Variants in AGBL4 observed in about 807,000 individuals in gnomAD.
AGBL4 encodes cytosolic carboxypeptidase 6.
AGBL4 carries 58 observed loss-of-function variants against 66.4 expected under a neutral mutation model. That is an observed-to-expected ratio of 0.87 (90% CI 0.71 to 1.09). AGBL4 has a LOEUF of 1.09. AGBL4 is among the 50% of genes least tolerant of loss of function. AGBL4 has a pLI of 0.00. For missense variants in AGBL4, 579 were observed against 631.0 expected, an observed-to-expected ratio of 0.92 and a Z score of 0.88; for synonymous variants, 234 against 222.9, an observed-to-expected ratio of 1.05 and a Z score of -0.44.
chr1:48,621,543 AG>A (rs1317271488), intron 9 of AGBL4, among the ~76,000 whole-genome samples: 1 of 152,240 alleles, frequency 6.6e-6, no homozygotes, highest in African/African-American at 2.4e-5. Flanking sequence ...AAAGCACCCT[AG>A]GACCCAGAAA....
chr1:49,897,052 A>C (rs1268589740), intron 1 of AGBL4, among the ~76,000 whole-genome samples: 3 of 152,088 alleles, frequency 2.0e-5, no homozygotes, highest in Non-Finnish European at 4.4e-5. Flanking sequence ...ATCTGGAACA[A>C]GACAAGGATG....
chr1:48,959,310 T>C (rs900585818), intron 5 of AGBL4, among the ~76,000 whole-genome samples: 1 of 152,148 alleles, frequency 6.6e-6, no homozygotes, highest in African/African-American at 2.4e-5. Context: ...CCCTGAATCA[T>C]AGGTGATGTT....
intron 6 of AGBL4, among the ~76,000 whole-genome samples, chr1:48,866,902 G>A (rs1648149796): frequency 6.6e-6 from 1 of 152,126 alleles, no homozygotes; most frequent in Non-Finnish European, 1.5e-5. Flanking sequence ...CTTGACACGT[G>A]GGTCCAATGA....
At chr1:48,596,434 A>C (rs963093949) in intron 9 of AGBL4, among the ~76,000 whole-genome samples, 2 of 152,160 alleles carry the variant, frequency 1.3e-5, no homozygotes. Context: ...TATTCTTTTC[A>C]TTATTAACTA....
At chr1:49,473,928 A>G (rs2148716217) in intron 3 of AGBL4, among the ~76,000 whole-genome samples, 1 of 152,170 alleles carries the variant, frequency 6.6e-6, no homozygotes, top group East Asian at 1.9e-4. Flanking sequence ...TTTGTTGAAT[A>G]TCAGTTGGCT....
intron 4 of AGBL4, among the ~76,000 whole-genome samples, chr1:49,213,100 G>A (rs1362216642): frequency 6.6e-6 from 1 of 151,962 alleles, no homozygotes; most frequent in Non-Finnish European, 1.5e-5. Flanking sequence ...GCTGAACACT[G>A]TCCCTTTCCT....
intron 4 of AGBL4, among the ~76,000 whole-genome samples, chr1:49,162,404 A>G (rs1334322125): frequency 6.6e-6 from 1 of 152,246 alleles, no homozygotes; most frequent in Non-Finnish European, 1.5e-5. Context: ...TATGAATCAC[A>G]TGACATAGTC....
At chr1:48,929,435 C>T (rs1288922567) in intron 5 of AGBL4, among the ~76,000 whole-genome samples, 1 of 152,160 alleles carries the variant, frequency 6.6e-6, no homozygotes, top group South Asian at 2.1e-4. Flanking sequence ...TCCTGCCCCC[C>T]TTTTAAAATC....
chr1:48,696,725 G>C (rs910588055), intron 6 of AGBL4, among the ~76,000 whole-genome samples: 1 of 152,198 alleles, frequency 6.6e-6, no homozygotes, highest in African/African-American at 2.4e-5. Context: ...AGGCATCACC[G>C]GAGTGAGAAA....
At chr1:49,395,476 TAAAAG>T (rs1644938345) in intron 3 of AGBL4, among the ~76,000 whole-genome samples, 1 of 150,466 alleles carries the variant, frequency 6.6e-6, no homozygotes, top group Non-Finnish European at 1.5e-5. Context: ...AATGAGCAGA[TAAAAG>T]AAAGGGTATG....
intron 2 of AGBL4, among the ~76,000 whole-genome samples, chr1:49,808,472 T>G (rs1645023890): frequency 6.6e-6 from 1 of 152,164 alleles, no homozygotes; most frequent in Admixed American, 6.6e-5. Flanking sequence ...TACAATTACA[T>G]GAAGTCAGTT....
chr1:49,602,852 T>C (rs1020612937), intron 3 of AGBL4, among the ~76,000 whole-genome samples: 1 of 150,910 alleles, frequency 6.6e-6, no homozygotes, highest in African/African-American at 2.4e-5. Context: ...AATAAATAAA[T>C]AAATAAATAA....
intron 3 of AGBL4, among the ~76,000 whole-genome samples, chr1:49,472,289 CA>C (rs1320618057): frequency 5.3e-5 from 8 of 152,000 alleles, no homozygotes; most frequent in Non-Finnish European, 1.2e-4. Flanking sequence ...TAGGAAACCA[CA>C]TATACCAAGA....
intron 6 of AGBL4, among the ~76,000 whole-genome samples, chr1:48,863,775 T>C (rs1415851702): frequency 6.6e-6 from 1 of 152,036 alleles, no homozygotes; most frequent in Non-Finnish European, 1.5e-5. Flanking sequence ...TAAATTCCTA[T>C]TTCATATACA....
Position 49,927,632 on chromosome 1 carries a change from G to C in AGBL4, c.35-76114C>G, listed in dbSNP as rs191272700. 1.1e-3 allele frequency among the ~76,000 whole-genome samples: 164 copies of C among 151,362 alleles called. 1 individual carries two copies. The highest frequency in any genetic ancestry group is 3.7e-3 in the African/African-American group (154 of 41,170). On this transcript the variant is annotated intron_variant, in intron 1 of 13. Transcript: ENST00000371839. The stretch of plus-strand genomic sequence containing the variant: ...AGATGAGATTTTGGGTGGGGAAAGA[G>C]CCAAACCGTATCACAGTTTATATGA...
intron 1 of AGBL4, among the ~76,000 whole-genome samples, chr1:49,954,828 G>A (rs1382574121): frequency 6.6e-6 from 1 of 151,788 alleles, no homozygotes; most frequent in Non-Finnish European, 1.5e-5. Flanking sequence ...ACAAATGGTA[G>A]AGAAAAAAAT....
chr1:49,491,093 T>C (rs368197736), intron 3 of AGBL4, among the ~76,000 whole-genome samples: 8 of 151,924 alleles, frequency 5.3e-5, no homozygotes, highest in East Asian at 1.9e-4. Flanking sequence ...TCAGTGATAG[T>C]TGAATGAATG....
At chr1:49,091,791 AATAGTAG>A (rs1178082773) in intron 4 of AGBL4, among the ~76,000 whole-genome samples, 1 of 152,196 alleles carries the variant, frequency 6.6e-6, no homozygotes, top group Non-Finnish European at 1.5e-5. Context: ...AATGCCCATC[AATAGTAG>A]AGTGGATAAA....
At chr1:48,904,917 G>A (rs924152700) in intron 5 of AGBL4, among the ~76,000 whole-genome samples, 13 of 32,662 alleles carry the variant, frequency 4.0e-4, no homozygotes, top group Non-Finnish European at 2.0e-3. Context: ...GTCATAAGGC[G>A]AGACGCTGTA....
Sources: allele counts gnomAD v4.1 joint callset (sites outside exome capture counted in the v4.1 genomes callset), GRCh38; gene constraint gnomAD v4.1.1; transcripts MANE v1.5; gene names NCBI Gene and HGNC (gene_info 2026-07-23, HGNC 2026-07-21).